Variants in EPHA5 observed in about 807,000 individuals in gnomAD.
EPHA5 encodes the protein ephrin type-A receptor 5.
EPHA5 carries 60 observed loss-of-function variants against 105.0 expected under a neutral mutation model. The observed-to-expected ratio is 0.57, with a 90% CI of 0.46 to 0.71. The LOEUF is 0.71. Ranked by LOEUF, EPHA5 falls within the 30% of genes least tolerant of loss-of-function variation. EPHA5 has a pLI of 0.00. For synonymous variants in EPHA5, 513 were observed against 449.1 expected, an observed-to-expected ratio of 1.14 and a Z score of -1.80; for missense variants, 1,218 against 1,274.7, an observed-to-expected ratio of 0.96 and a Z score of 0.68.
intron 3 of EPHA5, among the ~76,000 whole-genome samples, chr4:65,495,748 C>CAT (rs1291750378): frequency 2.0e-5 from 3 of 152,076 alleles, no homozygotes; most frequent in African/African-American, 7.2e-5. Flanking sequence ...AGTACTTAAA[C>CAT]ATTTATGGAA....
intron 5 of EPHA5, among the ~76,000 whole-genome samples, chr4:65,459,657 A>G (rs981402828): frequency 1.4e-4 from 21 of 151,842 alleles, no homozygotes; most frequent in Non-Finnish European, 3.0e-5. Flanking sequence ...GTAATAATAT[A>G]CATGTGTTTA....
chr4:65,367,247 A>C lies in EPHA5; in HGVS notation c.1861+110T>G, dbSNP rs542098323. Reference sequence around the variant, plus strand: ...AAATAGAACACTTTTAAAAAAAAAAAAAACAATATTTTGGTCAGTTATTAT... The same window carrying C: ...AAATAGAACACTTTTAAAAAAAAAACAAACAATATTTTGGTCAGTTATTAT... On this transcript the variant is annotated intron_variant, in intron 9 of 16. Transcript: ENST00000613740. 585 of 909,862 alleles carry C rather than the reference A, an allele frequency of 6.4e-4. 1 individual carries two copies. The highest frequency in any genetic ancestry group is 1.5e-3 in the South Asian group (85 of 55,978). 56.4% of individuals were successfully genotyped at this position (909,862 alleles called of 1,614,324 possible). A position where few individuals can be genotyped will look rare whatever the true frequency, so the allele number is the denominator to read the frequency against.
chr4:65,568,931 A>G (rs1303660436), intron 3 of EPHA5, among the ~76,000 whole-genome samples: 1 of 151,036 alleles, frequency 6.6e-6, no homozygotes, highest in Non-Finnish European at 1.5e-5. Context: ...TGTGACCAAT[A>G]TTTTCCTTTA....
At chr4:65,385,644 A>G (rs1277613335) in intron 8 of EPHA5, among the ~76,000 whole-genome samples, 3 of 151,908 alleles carry the variant, frequency 2.0e-5, no homozygotes, top group Non-Finnish European at 4.4e-5. Flanking sequence ...TGTGCTGGTG[A>G]TAAATGTGAA....
At chr4:65,351,277 C>G (rs1299650295) in intron 13 of EPHA5, 112 bp downstream of exon 13, 1 of 990,080 alleles carries the variant, frequency 1.0e-6, no homozygotes, top group Non-Finnish European at 1.5e-6. Flanking sequence ...CTCATTCTCT[C>G]TCTTTCTTTT....
At chr4:65,443,651 G>T (rs1578129739) in intron 5 of EPHA5, among the ~76,000 whole-genome samples, 1 of 152,054 alleles carries the variant, frequency 6.6e-6, no homozygotes, top group Non-Finnish European at 1.5e-5. Context: ...CTGTTGCTGT[G>T]AAGGCAAAAA....
rs571143917 is a variant in EPHA5 at position 65,404,385 on chromosome 4, G to T, written c.1782C>A (p.Leu594=). ...GCTTCCTCTCTTACCTTCCACTGAG[G>T]AGGACGCCGATAACCACTGCCAACA... ...VILLAVVIGV[L]LSGRRCGYSK... is the part of the protein sequence containing the mutation. Residue 594 remains leucine (L), a synonymous_variant, in exon 8 of 17, where the codon CTC becomes CTA. Transcript: ENST00000613740. The T allele has an allele frequency of 4.3e-5, 69 of 1,613,342 alleles. 1 individual carries two copies. In the South Asian group the frequency reaches 7.4e-4, roughly 17 times the overall value.
intron 3 of EPHA5, among the ~76,000 whole-genome samples, chr4:65,512,260 A>T (rs757307143): frequency 6.6e-6 from 1 of 152,186 alleles, no homozygotes; most frequent in Non-Finnish European, 1.5e-5. Flanking sequence ...AATATTTAAT[A>T]TGGCACTAAG....
At chr4:65,332,153 T>C (rs760819406) in intron 15 of EPHA5, 25 bp from the exon 16 acceptor site, 10 of 1,525,934 alleles carry the variant, frequency 6.6e-6, no homozygotes, top group Non-Finnish European at 7.9e-6. Context: ...ACATAAATAT[T>C]AAAAGTTACA....
intron 2 of EPHA5, among the ~76,000 whole-genome samples, chr4:65,635,855 A>G (rs1747075061): frequency 6.6e-6 from 1 of 152,168 alleles, no homozygotes. Context: ...GGTTGTGTAC[A>G]TATAGGCTAG....
At chr4:65,520,609 A>C (rs1734597843) in intron 3 of EPHA5, among the ~76,000 whole-genome samples, 1 of 152,156 alleles carries the variant, frequency 6.6e-6, no homozygotes, top group African/African-American at 2.4e-5. Context: ...AATGGGAGAA[A>C]ATTTTTGCAA....
chr4:65,398,130 G>T (rs377001570), intron 8 of EPHA5, among the ~76,000 whole-genome samples: 1 of 152,166 alleles, frequency 6.6e-6, no homozygotes, highest in Non-Finnish European at 1.5e-5. Flanking sequence ...GCTCTCAGGG[G>T]CCTGAGAAGC....
chr4:65,375,305 C>T (rs1386997617), intron 8 of EPHA5, among the ~76,000 whole-genome samples: 1 of 151,154 alleles, frequency 6.6e-6, no homozygotes, highest in Non-Finnish European at 1.5e-5. Context: ...TTTTCACAAA[C>T]ACACACACAG....
intron 3 of EPHA5, among the ~76,000 whole-genome samples, chr4:65,530,843 G>A (rs1370846823): frequency 1.3e-5 from 2 of 152,068 alleles, no homozygotes; most frequent in African/African-American, 2.4e-5. Flanking sequence ...TCTCTATATT[G>A]GATGTAACAG....
At chr4:65,656,315 T>A (rs1749057547) in intron 1 of EPHA5, among the ~76,000 whole-genome samples, 1 of 150,814 alleles carries the variant, frequency 6.6e-6, no homozygotes, top group Non-Finnish European at 1.5e-5. Context: ...AAAAAAAAAA[T>A]GTCAGTTACC....
At chr4:65,346,305 T>C (rs575872124) in intron 14 of EPHA5, among the ~76,000 whole-genome samples, 5 of 152,164 alleles carry the variant, frequency 3.3e-5, no homozygotes, top group African/African-American at 1.2e-4. Context: ...AGTCTAAACT[T>C]GTATTTCTTA....
intron 8 of EPHA5, among the ~76,000 whole-genome samples, chr4:65,369,058 G>A (rs960770492): frequency 6.6e-6 from 1 of 152,066 alleles, no homozygotes; most frequent in Admixed American, 6.6e-5. Flanking sequence ...GCGCTTGTTG[G>A]CTTCCTTACT....
chr4:65,324,221 T>C lies in EPHA5; in HGVS notation c.2946-2A>G, dbSNP rs1490388857. 14 of 1,602,766 alleles carry C rather than the reference T, an allele frequency of 8.7e-6. No individual in the cohort carries two copies. Among genetic ancestry groups the C allele is most frequent in the Non-Finnish European group, 1.2e-5 (14 of 1,171,964 alleles). On this transcript the variant is annotated splice_acceptor_variant, in intron 16 of 16. Coordinates refer to ENST00000613740, the MANE Select transcript of EPHA5 (RefSeq NM_001281766.3). LOFTEE classifies it high-confidence loss of function. ...GTCACTCCAAGCCGTCTCAAATCCCTGCATGAAGAAAGCACACATTGGATG... is the reference window on the plus strand; with the variant it reads ...GTCACTCCAAGCCGTCTCAAATCCCCGCATGAAGAAAGCACACATTGGATG...
chr4:65,589,872 C>A (rs1742468787), intron 3 of EPHA5, among the ~76,000 whole-genome samples: 1 of 152,110 alleles, frequency 6.6e-6, no homozygotes, highest in Non-Finnish European at 1.5e-5. Flanking sequence ...CTGGTGAAAT[C>A]ACATCACATG....
Sources: gnomAD v4.1 joint callset for allele counts (sites outside exome capture counted in the v4.1 genomes callset) on GRCh38, gnomAD v4.1.1 for gene constraint, MANE v1.5 for transcripts, NCBI Gene and HGNC (gene_info 2026-07-23, HGNC 2026-07-21) for gene names.